Variants in BTBD9 observed in about 807,000 individuals in gnomAD.
BTBD9 encodes the protein BTB/POZ domain-containing protein 9.
BTBD9 carries 49 observed loss-of-function variants against 64.3 expected under a neutral mutation model. That is an observed-to-expected ratio of 0.76 (90% confidence interval 0.61 to 0.97). The LOEUF (loss-of-function observed/expected upper bound fraction) is 0.97. BTBD9 is among the 50% of genes least tolerant of loss of function. The probability of loss-of-function intolerance (pLI) is 0.00; values close to 1 mark genes in which losing one functional copy is unlikely to be tolerated. For missense variants in BTBD9, 598 were observed against 762.1 expected (o/e 0.78, Z 2.53); for synonymous variants, 260 against 274.7 (o/e 0.95, Z 0.53).
At chr6:38,285,429 C>T (rs549190018) in intron 8 of BTBD9, among the ~76,000 whole-genome samples, 3 of 151,818 alleles carry the variant, frequency 2.0e-5, no homozygotes, top group Admixed American at 2.0e-4. Context: ...CATGACATGA[C>T]GTGACTTGAA....
chr6:38,335,124 T>G (rs1181303967), intron 7 of BTBD9, among the ~76,000 whole-genome samples: 1 of 152,220 alleles, frequency 6.6e-6, no homozygotes, highest in African/African-American at 2.4e-5. Context: ...TGTTTCTCCT[T>G]TGCCTTCTGC....
intron 6 of BTBD9, among the ~76,000 whole-genome samples, chr6:38,441,589 AT>A (rs1769037915): frequency 6.6e-6 from 1 of 151,696 alleles, no homozygotes; most frequent in Non-Finnish European, 1.5e-5. Context: ...GTTAAAAAAA[AT>A]TTTTTTTCAT....
chr6:38,491,219 C>T lies in BTBD9; in HGVS notation c.1154+86381G>A, dbSNP rs78189538. ...TTGTAGTACAGATGAAAGTGATGTC[C>T]TCTGTCCCGTGGAAATACCCGCAAA... On this transcript the variant is annotated intron_variant, in intron 6 of 10. Transcript: ENST00000481247. 2.4e-3 allele frequency among the ~76,000 whole-genome samples: 364 copies of T among 152,326 alleles called. 11 individuals carry two copies. In the East Asian group the frequency reaches 0.058, roughly 24 times the overall value.
rs929466523 is a variant in BTBD9, at chr6:38,187,021, T to C, written c.1641+5498A>G. 7.2e-5 allele frequency among the ~76,000 whole-genome samples: 11 copies of C among 152,322 alleles called. No homozygotes were observed. The East Asian group carries it at 1.9e-3, about 27-fold the overall frequency. ...CCTGATTTTCATGGGTGCACAGACT[T>C]GATCTTATTTACTCCCAGCCGGGTT... On this transcript the variant is annotated intron_variant, in intron 10 of 10. Transcript: ENST00000481247.
intron 6 of BTBD9, among the ~76,000 whole-genome samples, chr6:38,423,532 T>C (rs945673827): frequency 1.1e-4 from 17 of 152,090 alleles, no homozygotes; most frequent in African/African-American, 3.9e-4. Context: ...CTCAAACTCA[T>C]GGGCTCAAGC....
intron 9 of BTBD9, among the ~76,000 whole-genome samples, chr6:38,215,810 T>C (rs746413942): frequency 7.2e-5 from 11 of 152,100 alleles, no homozygotes; most frequent in Non-Finnish European, 1.2e-4. Context: ...TTTTTTCCCA[T>C]CAAGTCAGCA....
chr6:38,349,727 T>G (rs1764425609), intron 6 of BTBD9, among the ~76,000 whole-genome samples: 1 of 152,076 alleles, frequency 6.6e-6, no homozygotes, highest in East Asian at 1.9e-4. Flanking sequence ...ACTGTATTAC[T>G]GACTTTAGAT....
intron 6 of BTBD9, among the ~76,000 whole-genome samples, chr6:38,543,570 C>A (rs541338987): frequency 3.9e-5 from 6 of 152,274 alleles, no homozygotes; most frequent in Middle Eastern, 3.4e-3. Flanking sequence ...TAGAGGCTAG[C>A]CTTTTTTGCA....
chr6:38,351,508 T>TTG (rs1554141383), intron 6 of BTBD9, among the ~76,000 whole-genome samples: 1 of 79,622 alleles, frequency 1.3e-5, no homozygotes, highest in African/African-American at 5.5e-5. Flanking sequence ...ATTGTTGTTG[T>TTG]TTTTTTTTTT....
At chr6:38,544,927 CAAAAAAAAAAAA>C (rs58694810) in intron 6 of BTBD9, among the ~76,000 whole-genome samples, 1,917 of 48,358 alleles carry the variant, frequency 0.04, 63 homozygotes, top group African/African-American at 0.14. Context: ...AACTACATCT[CAAAAAAAAAAAA>C]AAAAAAAAAA....
At chr6:38,597,848 C>A in intron 2 of BTBD9, 62 bp downstream of exon 2, 1 of 1,383,580 alleles carries the variant, frequency 7.2e-7, no homozygotes, top group African/African-American at 1.4e-5. Flanking sequence ...TTTCATAGAG[C>A]AGAAAATACC....
intron 9 of BTBD9, among the ~76,000 whole-genome samples, chr6:38,236,821 C>G (rs1359169667): frequency 2.6e-5 from 4 of 152,172 alleles, no homozygotes; most frequent in Non-Finnish European, 5.9e-5. Context: ...ATAAAAATTT[C>G]AATGGAAGGC....
At chr6:38,314,441 C>T (rs937887334) in intron 7 of BTBD9, among the ~76,000 whole-genome samples, 4 of 151,878 alleles carry the variant, frequency 2.6e-5, no homozygotes, top group African/African-American at 9.7e-5. Flanking sequence ...GTGTCTTTGT[C>T]TGGTTTTGAT....
At position 38,429,403 on chromosome 6, in the gene BTBD9, C is replaced by T. The variant is rs903487551; in HGVS notation, c.1155-84310G>A. On this transcript the variant is annotated intron_variant, in intron 6 of 10. Coordinates refer to ENST00000481247, the MANE Select transcript of BTBD9 (RefSeq NM_001099272.2). ...CCAGGAGGCGGAGATTGCAGTGAGC[C>T]GAGATCGCACCATCGCACTCCAGCC... is the stretch of plus-strand genomic sequence containing the variant. Among the ~76,000 whole-genome samples the T allele has an allele frequency of 6.8e-5, 10 of 146,400 alleles. 1 individual carries two copies. Among genetic ancestry groups the T allele is most frequent in the Admixed American group, 1.4e-4 (2 of 14,188 alleles).
At chr6:38,406,545 G>C (rs1767173355) in intron 6 of BTBD9, among the ~76,000 whole-genome samples, 1 of 152,116 alleles carries the variant, frequency 6.6e-6, no homozygotes, top group Non-Finnish European at 1.5e-5. Flanking sequence ...GGTAGTACTA[G>C]AAGAATTGGA....
At chr6:38,488,007 GT>G (rs1771534353) in intron 6 of BTBD9, among the ~76,000 whole-genome samples, 1 of 152,148 alleles carries the variant, frequency 6.6e-6, no homozygotes, top group East Asian at 1.9e-4. Flanking sequence ...AAAGTCCCTA[GT>G]TAGAAAAAGC....
At chr6:38,537,463 G>C (rs888461022) in intron 6 of BTBD9, among the ~76,000 whole-genome samples, 1 of 152,162 alleles carries the variant, frequency 6.6e-6, no homozygotes, top group African/African-American at 2.4e-5. Context: ...GACTCCTGCA[G>C]GGCAGGAAAC....
rs1362397318 is a variant in BTBD9 at position 38,392,739 on chromosome 6, C to G, written c.1155-47646G>C. 3.3e-5 allele frequency among the ~76,000 whole-genome samples: 5 copies of G among 152,020 alleles called. No homozygotes were observed. In the East Asian group the frequency reaches 5.8e-4, roughly 18 times the overall value. ...AAGACCGTGCCCTTTTAATGAACCT[C>G]TAAGAGGGAAACTGAAAACAAAACA... On this transcript the variant is annotated intron_variant, in intron 6 of 10. Transcript: ENST00000481247.
intron 7 of BTBD9, among the ~76,000 whole-genome samples, chr6:38,295,321 T>C (rs1001455918): frequency 6.6e-6 from 1 of 151,808 alleles, no homozygotes; most frequent in Non-Finnish European, 1.5e-5. Flanking sequence ...GGTGCCATCA[T>C]GCCTGGCTAA....
Sources: gnomAD v4.1 joint callset for allele counts (sites outside exome capture counted in the v4.1 genomes callset) on GRCh38, gnomAD v4.1.1 for gene constraint, MANE v1.5 for transcripts, NCBI Gene and HGNC (gene_info 2026-07-23, HGNC 2026-07-21) for gene names.